Variants in COXFA4 observed in about 807,000 individuals in gnomAD.
COXFA4 encodes cytochrome c oxidase associated subunit FA4.
chr7:10,936,267 T>C, the COXFA4 span, among the ~76,000 whole-genome samples: 1 of 152,264 alleles, frequency 6.6e-6, no homozygotes, highest in Non-Finnish European at 1.5e-5. Flanking sequence ...GTCATAGCTA[T>C]TAACAGCTAT....
At chr7:10,935,401 G>C in the COXFA4 span, among the ~76,000 whole-genome samples, 1 of 152,194 alleles carries the variant, frequency 6.6e-6, no homozygotes. Flanking sequence ...GAGAAGTATT[G>C]CTGGGCCTTT....
the COXFA4 span, chr7:10,938,660 G>T: frequency 1.6e-6 from 1 of 629,924 alleles, no homozygotes; most frequent in Non-Finnish European, 2.8e-6. Flanking sequence ...AAAAGTAAAT[G>T]AAAACAGCAG....
At chr7:10,935,832 C>G in the COXFA4 span, among the ~76,000 whole-genome samples, 1 of 152,010 alleles carries the variant, frequency 6.6e-6, no homozygotes, top group Admixed American at 6.5e-5. Flanking sequence ...CGGCTTACAA[C>G]GACAAAAGTT....
chr7:10,939,942 CA>C, the COXFA4 span: 1 of 1,545,756 alleles, frequency 6.5e-7, no homozygotes, highest in South Asian at 1.1e-5. Context: ...AGGACGTTCC[CA>C]GGGAACAGAA....
At chr7:10,932,956 A>G in the COXFA4 span, 2 of 149,448 alleles carry the variant, frequency 1.3e-5, no homozygotes, top group Non-Finnish European at 1.5e-5. Flanking sequence ...GGTGACAGAG[A>G]CTATCTCAAA....
At chr7:10,931,962 GCATTT>G in the COXFA4 span, 1 of 152,254 alleles carries the variant, frequency 6.6e-6, no homozygotes, top group Middle Eastern at 3.4e-3. Context: ...TCTTAATGTA[GCATTT>G]ATTTGGAGTT....
chr7:10,936,246 C>G, the COXFA4 span, among the ~76,000 whole-genome samples: 2 of 152,232 alleles, frequency 1.3e-5, no homozygotes, highest in Non-Finnish European at 2.9e-5. Flanking sequence ...TTTCCAGACT[C>G]TGCTATCAGT....
chr7:10,936,912 C>A, the COXFA4 span, among the ~76,000 whole-genome samples: 7 of 152,186 alleles, frequency 4.6e-5, no homozygotes, highest in Admixed American at 3.9e-4. Context: ...TTGTGCGTGC[C>A]ATAGTTCCAG....
chr7:10,939,878 C>T, the COXFA4 span: 1 of 983,336 alleles, frequency 1.0e-6, no homozygotes, highest in Non-Finnish European at 1.6e-6. Context: ...ACTAAGATGA[C>T]AAACACTAGG....
chr7:10,933,855 C>G, the COXFA4 span, among the ~76,000 whole-genome samples: 1 of 151,962 alleles, frequency 6.6e-6, no homozygotes, highest in Middle Eastern at 3.2e-3. Flanking sequence ...AATACTGTAC[C>G]TAAAATTCCA....
chr7:10,932,385 G>GT, the COXFA4 span: 2 of 152,170 alleles, frequency 1.3e-5, no homozygotes, highest in Non-Finnish European at 2.9e-5. Context: ...CTACATGGGT[G>GT]TAAATATCCA....
chr7:10,937,940 C>T, the COXFA4 span: 1 of 658,768 alleles, frequency 1.5e-6, no homozygotes, highest in Non-Finnish European at 2.7e-6. Context: ...GAGCAATATA[C>T]CATTTTCATT....
chr7:10,937,914 C>CA, the COXFA4 span: 6 of 606,898 alleles, frequency 9.9e-6, no homozygotes, highest in Non-Finnish European at 1.8e-5. Context: ...AAATACCTAG[C>CA]AAAAAATATT....
the COXFA4 span, chr7:10,939,889 C>T: frequency 5.8e-4 from 603 of 1,043,328 alleles, 7 homozygotes; most frequent in South Asian, 7.3e-3. Flanking sequence ...AAACACTAGG[C>T]GAGGCAGGGT....
At chr7:10,939,055 G>A in the COXFA4 span, 2 of 596,496 alleles carry the variant, frequency 3.4e-6, no homozygotes, top group South Asian at 1.9e-5. Context: ...ATTGAGGTAA[G>A]ATTTCTTATA....
At chr7:10,932,513 C>G in the COXFA4 span, 3 of 152,190 alleles carry the variant, frequency 2.0e-5, no homozygotes, top group East Asian at 5.8e-4. Context: ...AAATGTGCTT[C>G]TACTACCCTG....
chr7:10,933,685 G>A, the COXFA4 span: 4 of 1,607,816 alleles, frequency 2.5e-6, no homozygotes, highest in East Asian at 2.2e-5. Flanking sequence ...CACATTCACT[G>A]AGTAGAACTT....
chr7:10,940,021 G>T, the COXFA4 span: 1 of 1,613,922 alleles, frequency 6.2e-7, no homozygotes, highest in South Asian at 1.1e-5. Context: ...CTTACGCTCG[G>T]ATGCTTCTTG....
At chr7:10,935,784 T>A in the COXFA4 span, among the ~76,000 whole-genome samples, 1 of 152,236 alleles carries the variant, frequency 6.6e-6, no homozygotes, top group Non-Finnish European at 1.5e-5. Context: ...CTACAGTATC[T>A]TGTTACGGCA....
Sources: allele counts gnomAD v4.1 joint callset (sites outside exome capture counted in the v4.1 genomes callset), GRCh38; gene constraint gnomAD v4.1.1; transcripts MANE v1.5; gene names NCBI Gene and HGNC (gene_info 2026-07-23, HGNC 2026-07-21).